Variants in IMMT observed in about 807,000 individuals in gnomAD.
IMMT encodes the protein inner membrane mitochondrial protein, also known as MICOS complex subunit MIC60.
Under a neutral mutation model 92.7 loss-of-function variants are expected in IMMT, and 40 were observed. The ratio of observed to expected loss-of-function variants is 0.43; its 90% confidence interval spans 0.34 to 0.56. IMMT has a LOEUF of 0.56. Ranked by LOEUF, IMMT falls within the 20% of genes least tolerant of loss-of-function variation. The probability of loss-of-function intolerance (pLI) is 0.03; values close to 1 mark genes in which losing one functional copy is unlikely to be tolerated. For missense variants in IMMT, 831 were observed against 912.1 expected, an observed-to-expected ratio of 0.91 and a Z score of 1.14; for synonymous variants, 322 against 336.1, an observed-to-expected ratio of 0.96 and a Z score of 0.46.
rs775863789 is a variant in IMMT at position 86,170,814 on chromosome 2, C to T, written c.590G>A (p.Arg197Gln). 1 of 1,587,488 alleles carries T rather than the reference C, an allele frequency of 6.3e-7. No homozygotes were observed. The highest frequency in any genetic ancestry group is 1.1e-5 in the South Asian group (1 of 87,100). The change falls in exon 6 of 15, where the codon CGA becomes CAA. Residue 197 changes from arginine to glutamine, a missense_variant. Coordinates refer to ENST00000410111, the MANE Select transcript of IMMT (RefSeq NM_006839.3). ...EEASSSSIRE[R>Q]PPEEVAARLA... ...GCGAGCTGCAACTTCTTCAGGTGGT[C>T]GCTCCCTTATAGAAGATGAGGATGC...
rs558818794 is a variant in IMMT at position 86,153,674 on chromosome 2, G to A, written c.1163-100C>T. On this transcript the variant is annotated intron_variant, in intron 10 of 14. Coordinates refer to ENST00000410111, the MANE Select transcript of IMMT (RefSeq NM_006839.3). The stretch of plus-strand genomic sequence containing the variant: ...ATCTAAAAGGAAACAAGAAGGAATC[G>A]GAGACTAGTACCAGGAAAAGCTATT... The A allele has an allele frequency of 2.1e-4, 134 of 650,150 alleles. 2 individuals carry two copies. In the South Asian group the frequency reaches 2.4e-3, roughly 12 times the overall value. The allele number at this position is 650,150 out of a possible 1,614,324, so 40.3% of individuals were successfully genotyped here. A position where few individuals can be genotyped will look rare whatever the true frequency, so the allele number is the denominator to read the frequency against.
At chr2:86,145,201 G>A (rs1674904121) in intron 14 of IMMT, among the ~76,000 whole-genome samples, 1 of 152,086 alleles carries the variant, frequency 6.6e-6, no homozygotes, top group African/African-American at 2.4e-5. Context: ...GCAAAGAAAT[G>A]GGAGACTTCA....
At chr2:86,171,582 C>A in intron 4 of IMMT, 1 of 456,280 alleles carries the variant, frequency 2.2e-6, no homozygotes, top group South Asian at 2.9e-5. Context: ...TGTCTGCATC[C>A]ACCTGCATTT....
intron 1 of IMMT, among the ~76,000 whole-genome samples, chr2:86,184,826 A>G (rs1672650945): frequency 6.6e-6 from 1 of 152,194 alleles, no homozygotes; most frequent in Non-Finnish European, 1.5e-5. Context: ...ATCTGTAATG[A>G]CAGACATGGA....
chr2:86,172,580 G>A (rs774161576), intron 4 of IMMT, among the ~76,000 whole-genome samples: 7 of 152,102 alleles, frequency 4.6e-5, no homozygotes, highest in Admixed American at 1.3e-4. Flanking sequence ...TGATCCTCCC[G>A]CCTTGGTTTC....
At chr2:86,188,933 T>G (rs1054031252) in intron 1 of IMMT, among the ~76,000 whole-genome samples, 2 of 152,186 alleles carry the variant, frequency 1.3e-5, no homozygotes, top group Admixed American at 6.5e-5. Flanking sequence ...ATCTTTAGTT[T>G]CTCTTGTTGC....
At position 86,171,325 on chromosome 2, in the gene IMMT, T is replaced by C. The variant is rs779202285; in HGVS notation, c.442A>G (p.Ile148Val). The change falls in exon 5 of 15, where the codon ATT becomes GTT. Residue 148 changes from isoleucine to valine, a missense_variant. Physicochemically the swap from Ile to Val is conservative, Grantham distance 29. Coordinates refer to ENST00000410111, the MANE Select transcript of IMMT (RefSeq NM_006839.3). ...AGGGTATCACCTGCTGCAGAAATAA[T>C]TTGAGCCGCTTCTGTAGGTGCTATA... ...SATAPTEAAQ[I>V]ISAAGDTLSV... 4 of 1,611,560 alleles carry C rather than the reference T, an allele frequency of 2.5e-6. No homozygotes were observed. The highest frequency in any genetic ancestry group is 3.4e-6 in the Non-Finnish European group (4 of 1,178,746).
At chr2:86,151,615 G>C (rs1675474722) in intron 11 of IMMT, 95 bp from the exon 12 acceptor site, 2 of 861,008 alleles carry the variant, frequency 2.3e-6, no homozygotes, top group African/African-American at 3.4e-5. Context: ...TTTAAGAGCA[G>C]TAAACGAAAG....
chr2:86,183,679 TTTC>T (rs1015805732), intron 1 of IMMT, among the ~76,000 whole-genome samples: 2 of 152,198 alleles, frequency 1.3e-5, no homozygotes, highest in Non-Finnish European at 2.9e-5. Context: ...ACACTGTCAG[TTTC>T]TTATTTATCC....
At chr2:86,186,848 A>C (rs959265592) in intron 1 of IMMT, among the ~76,000 whole-genome samples, 2 of 152,156 alleles carry the variant, frequency 1.3e-5, no homozygotes, top group African/African-American at 4.8e-5. Flanking sequence ...GATCTTTTTA[A>C]ATTCATGGAT....
rs747451990 is a variant in IMMT, at chr2:86,147,723, T to C, written c.1512A>G (p.Glu504=). 2 of 1,613,520 alleles carry C rather than the reference T, an allele frequency of 1.2e-6. No individual in the cohort carries two copies. Among genetic ancestry groups the C allele is most frequent in the South Asian group, 1.1e-5 (1 of 90,970 alleles). ...TCACCTGCTCAAATTCAGACTTCAA[T>C]TCCTGTTCTTGTACCCTAAGGACAT... ...LRDVLRVQEQ[E]LKSEFEQNLS... Residue 504 remains glutamate, a synonymous_variant, in exon 13 of 15, where the codon GAA becomes GAG. Coordinates refer to ENST00000410111, the MANE Select transcript of IMMT (RefSeq NM_006839.3).
intron 5 of IMMT, among the ~76,000 whole-genome samples, 154 bp downstream of exon 5, chr2:86,171,054 C>A (rs991110910): frequency 6.6e-6 from 1 of 152,144 alleles, no homozygotes; most frequent in South Asian, 2.1e-4. Context: ...TAAAAAGATA[C>A]ATTCGGACAT....
At position 86,159,678 on chromosome 2, in the gene IMMT, A is replaced by G. The variant is rs772459966; in HGVS notation, c.897-7T>C. On this transcript the variant is annotated splice_region_variant and splice_polypyrimidine_tract_variant and intron_variant, in intron 8 of 14. Transcript: ENST00000410111. ...CATCTTCTCTAACTCTTCTCTGGAA[A>G]CCAACAAAACAAAGATTTAATATAA... 91 of 1,540,080 alleles carry G rather than the reference A, an allele frequency of 5.9e-5. No individual in the cohort carries two copies. The highest frequency in any genetic ancestry group is 7.0e-5 in the Non-Finnish European group (81 of 1,151,368).
chr2:86,159,554 C>T lies in IMMT; in HGVS notation c.1014G>A (p.Leu338=). 1 of 1,606,904 alleles carries T rather than the reference C, an allele frequency of 6.2e-7. No homozygotes were observed. Among genetic ancestry groups the T allele is most frequent in the Non-Finnish European group, 8.5e-7 (1 of 1,175,028 alleles). ...EGKLHNMIVD[L]DNVVKKVQAA... is the part of the protein sequence containing the mutation. ...AACATACCTTTTTGACCACATTATC[C>T]AGATCAACTATCATGTTGTGAAGTT... is the stretch of plus-strand genomic sequence containing the variant. Residue 338 remains leucine (L), a synonymous_variant, in exon 9 of 15, where the codon CTG becomes CTA. Coordinates refer to ENST00000410111, the MANE Select transcript of IMMT (RefSeq NM_006839.3).
At chr2:86,176,415 G>C (rs1478121572) in intron 3 of IMMT, among the ~76,000 whole-genome samples, 2 of 152,200 alleles carry the variant, frequency 1.3e-5, no homozygotes, top group Admixed American at 1.3e-4. Context: ...CTGGGAGGAA[G>C]ATGGGAAAGA....
Position 86,158,739 on chromosome 2 carries a change from G to A in IMMT, c.1033-18C>T, listed in dbSNP as rs750215458. ...GCTTGGACCTGAGCAAATACACAGG[G>A]TATGTGATTAAATTGAACAAAAAAT... On this transcript the variant is annotated intron_variant, in intron 9 of 14. Coordinates refer to ENST00000410111, the MANE Select transcript of IMMT (RefSeq NM_006839.3). 1.3e-6 allele frequency: 2 copies of A among 1,574,328 alleles called. No individual in the cohort carries two copies. Among genetic ancestry groups the A allele is most frequent in the East Asian group, 2.3e-5 (1 of 44,038 alleles).
chr2:86,192,794 A>G (rs1021126571), intron 1 of IMMT, among the ~76,000 whole-genome samples: 7 of 152,272 alleles, frequency 4.6e-5, no homozygotes, highest in South Asian at 2.1e-4. Flanking sequence ...ACTGAAGGGA[A>G]TAAGTTAAGC....
chr2:86,160,451 T>C (rs1263394276), intron 8 of IMMT, among the ~76,000 whole-genome samples: 2 of 152,142 alleles, frequency 1.3e-5, no homozygotes, highest in Non-Finnish European at 1.5e-5. Context: ...GCCCTCACGA[T>C]TCAGAATGTT....
intron 5 of IMMT, 90 bp from the exon 6 acceptor site, chr2:86,170,934 G>C: frequency 1.0e-6 from 1 of 993,800 alleles, no homozygotes; most frequent in Non-Finnish European, 1.5e-6. Context: ...GTTTGTACTG[G>C]CCAGTTATAT....
Sources: gnomAD v4.1 joint callset for allele counts (sites outside exome capture counted in the v4.1 genomes callset) on GRCh38, gnomAD v4.1.1 for gene constraint, MANE v1.5 for transcripts, NCBI Gene and HGNC (gene_info 2026-07-23, HGNC 2026-07-21) for gene names.